The following GRIA4 variants were observed in gnomAD, a reference collection of about 807,000 sequenced individuals.
GRIA4 encodes glutamate ionotropic receptor AMPA type subunit 4, also known as glutamate receptor 4.
A neutral mutation model predicts 104.0 loss-of-function variants in GRIA4; 34 were observed. That is an observed-to-expected ratio of 0.33 (90% CI 0.25 to 0.44). GRIA4 has a LOEUF of 0.44. Ranked by LOEUF, GRIA4 falls within the 20% of genes least tolerant of loss-of-function variation. The pLI is 1.00. For missense variants in GRIA4, 750 were observed against 1,096.5 expected (o/e 0.68, Z 4.46); for synonymous variants, 386 against 381.9 (o/e 1.01, Z -0.13).
intron 5 of GRIA4, among the ~76,000 whole-genome samples, chr11:105,870,252 A>G (rs956214784): frequency 1.3e-5 from 2 of 150,726 alleles, no homozygotes; most frequent in African/African-American, 4.8e-5. Context: ...AAATTATTCT[A>G]ATTTTATAAT....
intron 14 of GRIA4, among the ~76,000 whole-genome samples, chr11:105,938,893 T>G (rs568116893): frequency 1.3e-5 from 2 of 152,290 alleles, no homozygotes; most frequent in South Asian, 4.1e-4. Context: ...ATATACTGCA[T>G]TCCTCTCTTT....
chr11:105,957,768 G>T (rs1223407131), intron 14 of GRIA4, among the ~76,000 whole-genome samples: 2 of 152,156 alleles, frequency 1.3e-5, no homozygotes, highest in African/African-American at 2.4e-5. Flanking sequence ...CCATTTGTTT[G>T]TGTCCTCTTT....
intron 3 of GRIA4, among the ~76,000 whole-genome samples, chr11:105,666,835 C>A (rs529285463): frequency 2.6e-5 from 4 of 151,224 alleles, no homozygotes; most frequent in Admixed American, 6.6e-5. Flanking sequence ...ATCTCCTTTG[C>A]CATTTTTTTA....
chr11:105,805,223 T>C (rs1942896681), intron 4 of GRIA4, among the ~76,000 whole-genome samples: 1 of 151,702 alleles, frequency 6.6e-6, no homozygotes, highest in Non-Finnish European at 1.5e-5. Context: ...TAAAAAGAAA[T>C]CAGAGTACTG....
At chr11:105,922,822 A>G (rs2136191758) in intron 11 of GRIA4, among the ~76,000 whole-genome samples, 1 of 152,290 alleles carries the variant, frequency 6.6e-6, no homozygotes, top group East Asian at 1.9e-4. Flanking sequence ...GGGCTGGGTC[A>G]TACTAATAAA....
intron 3 of GRIA4, among the ~76,000 whole-genome samples, chr11:105,655,882 T>G (rs9736947): frequency 0.98 from 149,866 of 152,160 alleles, 73,844 homozygotes; most frequent in Middle Eastern, 1. Context: ...GGTATTTCTA[T>G]TTCTAGATCC....
At chr11:105,776,432 A>G (rs891913581) in intron 4 of GRIA4, among the ~76,000 whole-genome samples, 24 of 152,332 alleles carry the variant, frequency 1.6e-4, no homozygotes, top group African/African-American at 5.0e-4. Flanking sequence ...ATAGAACAGT[A>G]TATTCTTTGT....
intron 3 of GRIA4, among the ~76,000 whole-genome samples, chr11:105,693,186 A>G (rs1164541973): frequency 6.6e-6 from 1 of 152,218 alleles, no homozygotes; most frequent in Non-Finnish European, 1.5e-5. Flanking sequence ...AATTAGACCA[A>G]AAACATGACT....
At chr11:105,859,445 T>A (rs542311469) in intron 4 of GRIA4, among the ~76,000 whole-genome samples, 1 of 152,224 alleles carries the variant, frequency 6.6e-6, no homozygotes, top group African/African-American at 2.4e-5. Context: ...AATCAGATAA[T>A]GGAAGGCTGG....
chr11:105,836,844 A>G (rs1436990801), intron 4 of GRIA4, among the ~76,000 whole-genome samples: 1 of 152,114 alleles, frequency 6.6e-6, no homozygotes, highest in Non-Finnish European at 1.5e-5. Flanking sequence ...TCTAATACTG[A>G]TGGCTTTGAT....
chr11:105,728,703 C>CA (rs1377867823), intron 3 of GRIA4, among the ~76,000 whole-genome samples: 21 of 152,142 alleles, frequency 1.4e-4, no homozygotes, highest in Admixed American at 1.4e-3. Flanking sequence ...GAAACTCGCT[C>CA]AAAACCTCAC....
At chr11:105,652,192 G>A (rs1210388029) in intron 3 of GRIA4, among the ~76,000 whole-genome samples, 1 of 152,026 alleles carries the variant, frequency 6.6e-6, no homozygotes, top group African/African-American at 2.4e-5. Flanking sequence ...TTAAATCAAT[G>A]AGTAATAAGG....
chr11:105,663,455 G>A (rs573100037), intron 3 of GRIA4, among the ~76,000 whole-genome samples: 30 of 151,884 alleles, frequency 2.0e-4, no homozygotes, highest in Non-Finnish European at 3.7e-4. Flanking sequence ...ATAGTCTCAC[G>A]GGGAAAATCA....
chr11:105,813,752 G>A (rs1160498929), intron 4 of GRIA4, among the ~76,000 whole-genome samples: 1 of 152,160 alleles, frequency 6.6e-6, no homozygotes, highest in Non-Finnish European at 1.5e-5. Context: ...CTCAGAAAGT[G>A]CTGAGTGCCT....
chr11:105,744,501 T>G (rs375900232), intron 3 of GRIA4, among the ~76,000 whole-genome samples: 2 of 152,170 alleles, frequency 1.3e-5, no homozygotes, highest in Non-Finnish European at 2.9e-5. Context: ...ACATAAATAC[T>G]TGAAGTATCA....
intron 16 of GRIA4, among the ~76,000 whole-genome samples, chr11:105,977,444 T>G (rs1290026457): frequency 1.3e-5 from 2 of 151,994 alleles, no homozygotes; most frequent in Non-Finnish European, 2.9e-5. Context: ...ATATTCATTT[T>G]TCTTGTTTTC....
At chr11:105,760,474 G>T (rs1439781605) in intron 4 of GRIA4, among the ~76,000 whole-genome samples, 2 of 152,052 alleles carry the variant, frequency 1.3e-5, no homozygotes, top group Non-Finnish European at 2.9e-5. Flanking sequence ...TTGCAATGTT[G>T]TTCCTTAGTG....
intron 4 of GRIA4, among the ~76,000 whole-genome samples, chr11:105,774,714 T>C (rs1342224053): frequency 6.6e-6 from 1 of 152,152 alleles, no homozygotes; most frequent in African/African-American, 2.4e-5. Context: ...AAATGAATTA[T>C]ACTTAGGGAT....
At chr11:105,911,806 A>ATG (rs1555046214) in intron 10 of GRIA4, 18 of 285,830 alleles carry the variant, frequency 6.3e-5, no homozygotes, top group African/African-American at 1.0e-4. Flanking sequence ...ATATATATAT[A>ATG]TATGTTTCTT....
Sources: allele counts gnomAD v4.1 joint callset (sites outside exome capture counted in the v4.1 genomes callset), GRCh38; gene constraint gnomAD v4.1.1; transcripts MANE v1.5; gene names NCBI Gene and HGNC (gene_info 2026-07-23, HGNC 2026-07-21).